The following ALG9 variants were observed in gnomAD, a reference collection of about 807,000 sequenced individuals.
ALG9 encodes alpha-1,2-mannosyltransferase ALG9.
In ALG9, 55 loss-of-function variants were observed where a neutral mutation model predicts 81.8. That is an observed-to-expected ratio of 0.67 (90% CI 0.54 to 0.84). The LOEUF is 0.84. ALG9 is among the 40% of genes least tolerant of loss of function. The pLI, the probability that ALG9 is intolerant of heterozygous loss-of-function variation, is 0.00. For missense variants in ALG9, 629 were observed against 745.0 expected (o/e 0.84, Z 1.81); for synonymous variants, 278 against 274.3 (o/e 1.01, Z -0.13).
chr11:111,864,155 AAAAG>A (rs781934773), intron 4 of ALG9: 43 of 530,456 alleles, frequency 8.1e-5, no homozygotes, highest in Non-Finnish European at 1.4e-4. Context: ...TAAAAAAAGA[AAAAG>A]AAGAGAACAA....
At chr11:111,850,532 C>T (rs951136559) in intron 8 of ALG9, among the ~76,000 whole-genome samples, 2 of 150,944 alleles carry the variant, frequency 1.3e-5, no homozygotes, top group African/African-American at 4.9e-5. Flanking sequence ...ATGGTGAAAT[C>T]CCTGTCTCTA....
chr11:111,864,432 G>A (rs1961562548), intron 4 of ALG9: 6 of 762,292 alleles, frequency 7.9e-6, no homozygotes, highest in Non-Finnish European at 1.2e-5. Flanking sequence ...AATCCCTTCA[G>A]ACCCCAGAAA....
chr11:111,864,236 C>G (rs1592397482), intron 4 of ALG9: 1 of 859,952 alleles, frequency 1.2e-6, no homozygotes, highest in East Asian at 2.5e-5. Context: ...ACGAACTGGC[C>G]CGGCCCTCAC....
chr11:111,790,101 C>T (rs1306723738), intron 14 of ALG9, among the ~76,000 whole-genome samples: 3 of 151,924 alleles, frequency 2.0e-5, no homozygotes, highest in South Asian at 2.1e-4. Context: ...AGCAGCCGGG[C>T]GCGGTGGCTC....
chr11:111,871,529 G>A lies in ALG9; in HGVS notation c.-47C>T, dbSNP rs968785959. On this transcript the variant is annotated 5_prime_UTR_variant, in exon 1 of 15. Coordinates refer to ENST00000616540, the MANE Select transcript of ALG9 (RefSeq NM_024740.2). ...ATTCGGCACCCTATGAAGTCGGTGA[G>A]CGCGCAGACATAGCTTTGGCTGGCA... 1 of 1,535,016 alleles carries A rather than the reference G, an allele frequency of 6.5e-7. No homozygotes were observed. The highest frequency in any genetic ancestry group is 8.7e-7 in the Non-Finnish European group (1 of 1,146,128).
chr11:111,837,767 G>C, intron 11 of ALG9, 152 bp from the exon 12 acceptor site: 1 of 903,838 alleles, frequency 1.1e-6, no homozygotes. Context: ...TGCTCTGCAG[G>C]TATAAAATGT....
intron 14 of ALG9, among the ~76,000 whole-genome samples, chr11:111,789,824 A>G (rs1947117614): frequency 6.6e-6 from 1 of 151,652 alleles, no homozygotes. Flanking sequence ...TGTCTCAAAA[A>G]AAAAAAAACT....
chr11:111,800,969 C>T (rs868914438), intron 14 of ALG9, among the ~76,000 whole-genome samples: 3 of 152,160 alleles, frequency 2.0e-5, no homozygotes, highest in Non-Finnish European at 2.9e-5. Context: ...ACTTACATTT[C>T]TAAACAAATC....
chr11:111,824,306 G>GA (rs75084969), intron 13 of ALG9, among the ~76,000 whole-genome samples: 41,308 of 152,034 alleles, frequency 0.27, 6,999 homozygotes, highest in East Asian at 0.58. Context: ...GGAAACAAAA[G>GA]AAAAATCACA....
intron 4 of ALG9, among the ~76,000 whole-genome samples, chr11:111,863,879 A>G (rs1315841119): frequency 2.0e-5 from 3 of 152,238 alleles, no homozygotes; most frequent in African/African-American, 7.2e-5. Context: ...ACTAAATCCT[A>G]TCAAGTAAAG....
chr11:111,855,218 GTA>G (rs1958471285), intron 6 of ALG9, among the ~76,000 whole-genome samples: 1 of 152,162 alleles, frequency 6.6e-6, no homozygotes, highest in Non-Finnish European at 1.5e-5. Context: ...CTCCCTCTGT[GTA>G]TGTTTGTTGT....
intron 9 of ALG9, among the ~76,000 whole-genome samples, chr11:111,843,522 T>C (rs2136923035): frequency 6.6e-6 from 1 of 152,304 alleles, no homozygotes. Context: ...ATTCTTATAA[T>C]ACAACGAACT....
At chr11:111,768,842 C>CGT in the ALG9 span, 1,471 of 143,146 alleles carry the variant, frequency 0.01, 16 homozygotes, top group African/African-American at 0.026. Context: ...TGTGTGTGTG[C>CGT]GTGTGTGTGT....
At chr11:111,772,962 G>A in the ALG9 span, among the ~76,000 whole-genome samples, 1 of 152,100 alleles carries the variant, frequency 6.6e-6, no homozygotes, top group Non-Finnish European at 1.5e-5. Context: ...ATTTAGGCCG[G>A]GTGCGGTGGC....
At chr11:111,866,041 T>C (rs1284356288) in intron 3 of ALG9, among the ~76,000 whole-genome samples, 2 of 152,202 alleles carry the variant, frequency 1.3e-5, no homozygotes, top group African/African-American at 4.8e-5. Flanking sequence ...ACACTTGTAA[T>C]TCCAACACTT....
intron 3 of ALG9, among the ~76,000 whole-genome samples, chr11:111,867,325 T>C (rs1193029921): frequency 1.3e-5 from 2 of 152,346 alleles, no homozygotes; most frequent in African/African-American, 4.8e-5. Flanking sequence ...CCAGGTCTTG[T>C]AGAAATCTCA....
At chr11:111,807,824 T>C (rs1555086808) in intron 14 of ALG9, among the ~76,000 whole-genome samples, 1 of 152,076 alleles carries the variant, frequency 6.6e-6, no homozygotes, top group African/African-American at 2.4e-5. Context: ...CTGGGCACCA[T>C]GGGTCATCCC....
intron 14 of ALG9, chr11:111,805,345 C>A (rs782704142): frequency 3.7e-5 from 17 of 455,766 alleles, no homozygotes; most frequent in South Asian, 2.6e-4. Context: ...GTTGTTTAAG[C>A]CACCCAGTTT....
chr11:111,786,200 C>T lies in ALG9; in HGVS notation c.*197G>A. The T allele has an allele frequency of 1.2e-6, 1 of 804,926 alleles. No individual in the cohort carries two copies. The highest frequency in any genetic ancestry group is 2.0e-5 in the Admixed American group (1 of 49,124). 49.9% of individuals were successfully genotyped at this position (804,926 alleles called of 1,614,324 possible). A position where few individuals can be genotyped will look rare whatever the true frequency, so the allele number is the denominator to read the frequency against. Reference sequence around the variant, plus strand: ...AGCTGCAAAAAGTTTACATGCAGAACAGAGACACACACAGGGAGCAAATGT... The same window carrying T: ...AGCTGCAAAAAGTTTACATGCAGAATAGAGACACACACAGGGAGCAAATGT... On this transcript the variant is annotated 3_prime_UTR_variant, in exon 15 of 15. Transcript: ENST00000616540.
Sources: allele counts gnomAD v4.1 joint callset (sites outside exome capture counted in the v4.1 genomes callset), GRCh38; gene constraint gnomAD v4.1.1; transcripts MANE v1.5; gene names NCBI Gene and HGNC (gene_info 2026-07-23, HGNC 2026-07-21).